Variants in PAPPA observed in about 807,000 individuals in gnomAD.
PAPPA encodes pappalysin 1.
Under a neutral mutation model 164.0 loss-of-function variants are expected in PAPPA, and 60 were observed. The ratio of observed to expected loss-of-function variants is 0.37; its 90% CI spans 0.30 to 0.45. PAPPA has a LOEUF of 0.45. PAPPA is among the 20% of genes least tolerant of loss of function. The pLI is 1.00. For synonymous variants in PAPPA, 875 were observed against 814.1 expected (o/e 1.07, Z -1.27); for missense variants, 1,782 against 2,087.3 (o/e 0.85, Z 2.85).
chr9:116,248,870 A>G (rs576630447), intron 7 of PAPPA, among the ~76,000 whole-genome samples: 32 of 152,346 alleles, frequency 2.1e-4, no homozygotes, highest in Non-Finnish European at 3.7e-4. Flanking sequence ...TACACATCAT[A>G]TCTGGTATAT....
intron 9 of PAPPA, among the ~76,000 whole-genome samples, chr9:116,280,145 A>G (rs545719956): frequency 6.6e-6 from 1 of 152,292 alleles, no homozygotes; most frequent in African/African-American, 2.4e-5. Flanking sequence ...GGATGATGTC[A>G]TTCATTCATT....
At chr9:116,260,168 C>T (rs1273767334) in intron 7 of PAPPA, among the ~76,000 whole-genome samples, 1 of 152,070 alleles carries the variant, frequency 6.6e-6, no homozygotes, top group East Asian at 1.9e-4. Context: ...AAATGAGATA[C>T]AGGAGGAGCA....
intron 5 of PAPPA, 106 bp from the exon 6 acceptor site, chr9:116,227,325 C>A: frequency 1.7e-6 from 2 of 1,180,078 alleles, no homozygotes; most frequent in Non-Finnish European, 2.4e-6. Context: ...GGGGGAAACA[C>A]AGATTTGTTG....
intron 19 of PAPPA, among the ~76,000 whole-genome samples, chr9:116,375,710 A>C (rs1309874474): frequency 1.3e-5 from 2 of 152,172 alleles, no homozygotes; most frequent in East Asian, 3.9e-4. Context: ...AGCCTCACCA[A>C]GAGGCCTAAT....
chr9:116,289,155 TATATAGC>T, intron 9 of PAPPA, among the ~76,000 whole-genome samples: 1 of 32,968 alleles, frequency 3.0e-5, no homozygotes, highest in African/African-American at 1.0e-4. Context: ...TATATATATA[TATATAGC>T]ATATATATAT....
rs758775806 is a variant in PAPPA at position 116,353,775 on chromosome 9, A to T, written c.4329A>T (p.Glu1443Asp). Residue 1443 changes from glutamate (E) to aspartate (D), a missense_variant, in exon 17 of 22, where the codon GAA becomes GAT. Coordinates refer to ENST00000328252, the MANE Select transcript of PAPPA (RefSeq NM_002581.5). Reference sequence around the variant, plus strand: ...ACAGTGAGTGTAGGATCAAGTGTGAAGACAGTGATGCCTCCCAGGTAAGCC... The same window carrying T: ...ACAGTGAGTGTAGGATCAAGTGTGATGACAGTGATGCCTCCCAGGTAAGCC... The part of the protein sequence containing the change: ...QFNSECRIKC[E>D]DSDASQGLGS... 1.9e-6 allele frequency: 3 copies of T among 1,613,432 alleles called. No individual in the cohort carries two copies. The South Asian group carries it at 3.3e-5, about 18-fold the overall frequency.
intron 9 of PAPPA, among the ~76,000 whole-genome samples, chr9:116,291,926 T>C (rs1845441714): frequency 6.6e-6 from 1 of 152,096 alleles, no homozygotes; most frequent in African/African-American, 2.4e-5. Context: ...GATGGAGGAT[T>C]AGAATGTGAA....
At chr9:116,258,189 T>A (rs1844954770) in intron 7 of PAPPA, among the ~76,000 whole-genome samples, 1 of 152,066 alleles carries the variant, frequency 6.6e-6, no homozygotes, top group Admixed American at 6.5e-5. Flanking sequence ...GAAATTGGAA[T>A]CAAAATCCCA....
Position 116,154,697 on chromosome 9 carries a change from C to G in PAPPA, c.415+110C>G. The G allele has an allele frequency of 8.4e-7, 1 of 1,190,098 alleles. No individual in the cohort carries two copies. Among genetic ancestry groups the G allele is most frequent in the East Asian group, 3.2e-5 (1 of 30,910 alleles). The allele number at this position is 1,190,098 out of a possible 1,614,324, so 73.7% of individuals were successfully genotyped here. On this transcript the variant is annotated intron_variant, in intron 1 of 21. Transcript: ENST00000328252. This position sits in a 1 kb window ranked among gnomAD's most constrained non-coding sequence, Gnocchi z 5.2. ...TCGGGGGCTTGCGGGCGTGTCTGTG[C>G]GAGAGCTGCCCCGCGAGCGGCGCAG...
Position 116,265,891 on chromosome 9 carries a change from G to C in PAPPA, c.2767G>C (p.Val923Leu). 1 of 1,610,668 alleles carries C rather than the reference G, an allele frequency of 6.2e-7. No individual in the cohort carries two copies. The highest frequency in any genetic ancestry group is 1.1e-5 in the South Asian group (1 of 90,966). The change falls in exon 8 of 22, where the codon GTC (valine) becomes CTC (leucine). Residue 923 changes from valine to leucine, a missense_variant. By Grantham distance (32) the Val-to-Leu change is conservative (BLOSUM62 1). Around this residue, in one of 2 missense-constraint regions of PAPPA, gnomAD observed 1,324 missense variants for 1,656.9 expected, o/e 0.80. Coordinates refer to ENST00000328252, the MANE Select transcript of PAPPA (RefSeq NM_002581.5). The stretch of plus-strand genomic sequence containing the variant: ...TCTTGGCAGTGTGTACCAGTATTGG[G>C]TCATAACTATTTCAGGAACTGAAGA... ...LNLGSVYQYW[V>L]ITISGTEESE...
At chr9:116,352,666 A>G (rs2118593391) in intron 15 of PAPPA, 40 bp from the exon 16 acceptor site, 1 of 1,516,334 alleles carries the variant, frequency 6.6e-7, no homozygotes, top group Non-Finnish European at 9.1e-7. Context: ...GCTATCAGAG[A>G]CTCCTCCCTC....
At chr9:116,304,710 T>G (rs1416202057) in intron 10 of PAPPA, among the ~76,000 whole-genome samples, 1 of 152,180 alleles carries the variant, frequency 6.6e-6, no homozygotes. Flanking sequence ...CTGGTGATTA[T>G]CTCTTCCTAA....
At chr9:116,276,545 C>G (rs1182580881) in intron 9 of PAPPA, among the ~76,000 whole-genome samples, 4 of 152,182 alleles carry the variant, frequency 2.6e-5, no homozygotes, top group Admixed American at 2.6e-4. Context: ...AGCTTCTTCC[C>G]TCATCTGATA....
At chr9:116,305,854 C>T (rs982814220) in intron 10 of PAPPA, among the ~76,000 whole-genome samples, 1 of 152,162 alleles carries the variant, frequency 6.6e-6, no homozygotes, top group African/African-American at 2.4e-5. Flanking sequence ...CAGAAAGACT[C>T]CTAGATGGAT....
intron 10 of PAPPA, among the ~76,000 whole-genome samples, chr9:116,313,608 A>G (rs532644984): frequency 5.9e-5 from 9 of 152,130 alleles, no homozygotes; most frequent in Non-Finnish European, 1.0e-4. Context: ...TTTCAGAGAG[A>G]GCAAAATTGT....
chr9:116,231,897 G>A (rs113635208), intron 6 of PAPPA, among the ~76,000 whole-genome samples: 7 of 151,284 alleles, frequency 4.6e-5, no homozygotes, highest in African/African-American at 1.5e-4. Context: ...GAGCAGCTGG[G>A]GTTACAGGCA....
intron 12 of PAPPA, chr9:116,332,717 T>G (rs561453042): frequency 4.8e-5 from 19 of 394,628 alleles, no homozygotes; most frequent in African/African-American, 3.8e-4. Flanking sequence ...CACCTTTAAC[T>G]CAGACATCCT....
intron 17 of PAPPA, among the ~76,000 whole-genome samples, chr9:116,358,469 G>A (rs530527292): frequency 2.0e-5 from 3 of 152,290 alleles, no homozygotes; most frequent in African/African-American, 7.2e-5. Context: ...AAGCCCCATG[G>A]CATCTGGCAT....
chr9:116,154,521 G>A lies in PAPPA; in HGVS notation c.349G>A (p.Asp117Asn). The change falls in exon 1 of 22, where the codon GAC (aspartate) becomes AAC (asparagine). Residue 117 changes from aspartate (D) to asparagine (N), a missense_variant. Around this residue, in one of 2 missense-constraint regions of PAPPA, gnomAD observed 458 missense variants for 430.3 expected, o/e 1.06. Coordinates refer to ENST00000328252, the MANE Select transcript of PAPPA (RefSeq NM_002581.5). This position sits in a 1 kb window ranked among gnomAD's most constrained non-coding sequence, Gnocchi z 5.2. Reference protein sequence around the residue: ...RLRADLELPRDAFTLQVWLRA... With the variant: ...RLRADLELPRNAFTLQVWLRA... ...CCGGGCCGACCTCGAGCTGCCCCGG[G>A]ACGCGTTCACGCTGCAAGTGTGGCT... 1.4e-6 allele frequency: 2 copies of A among 1,402,020 alleles called. No homozygotes were observed. The highest frequency in any genetic ancestry group is 1.9e-6 in the Non-Finnish European group (2 of 1,076,116). 86.8% of individuals were successfully genotyped at this position (1,402,020 alleles called of 1,614,324 possible). A position where few individuals can be genotyped will look rare whatever the true frequency, so the allele number is the denominator to read the frequency against.
Sources: allele counts gnomAD v4.1 joint callset (sites outside exome capture counted in the v4.1 genomes callset), GRCh38; gene constraint gnomAD v4.1.1; regional missense constraint gnomAD v4.1.1; non-coding constraint Gnocchi (gnomAD v3.1); transcripts MANE v1.5; gene names NCBI Gene and HGNC (gene_info 2026-07-23, HGNC 2026-07-21).